The following RAB10 variants were observed in gnomAD, a reference collection of about 807,000 sequenced individuals.
RAB10 encodes ras-related protein Rab-10.
In RAB10, 5 loss-of-function variants were observed where a neutral mutation model predicts 25.7. That is an observed-to-expected ratio of 0.19 (90% CI 0.10 to 0.41). RAB10 has a LOEUF of 0.41. RAB10 is among the 10% of genes least tolerant of loss of function. The probability of loss-of-function intolerance (pLI) is 1.00; values close to 1 mark genes in which losing one functional copy is unlikely to be tolerated. For missense variants in RAB10, 103 were observed against 245.8 expected (o/e 0.42, Z 3.89); for synonymous variants, 89 against 86.4 (o/e 1.03, Z -0.16).
At chr2:26,123,829 T>C (rs1437097594) in intron 3 of RAB10, among the ~76,000 whole-genome samples, 1 of 152,178 alleles carries the variant, frequency 6.6e-6, no homozygotes, top group Non-Finnish European at 1.5e-5. Flanking sequence ...TATAGAAATA[T>C]TTTTAAAGAA....
At chr2:26,118,119 T>C (rs1667729794) in intron 3 of RAB10, among the ~76,000 whole-genome samples, 1 of 151,894 alleles carries the variant, frequency 6.6e-6, no homozygotes, top group Non-Finnish European at 1.5e-5. Context: ...ATTACAGGCG[T>C]GTGCCACCAC....
intron 3 of RAB10, among the ~76,000 whole-genome samples, chr2:26,116,611 C>T (rs1667695079): frequency 8.1e-6 from 1 of 123,870 alleles, no homozygotes; most frequent in Non-Finnish European, 1.6e-5. Flanking sequence ...GGCTGGAGTG[C>T]AGTGGCGCTG....
intron 1 of RAB10, among the ~76,000 whole-genome samples, chr2:26,089,999 A>G (rs959624440): frequency 6.6e-6 from 1 of 152,112 alleles, no homozygotes; most frequent in African/African-American, 2.4e-5. Flanking sequence ...TGTTTTTCAT[A>G]TAAATTCTAA....
rs1277323137 is a variant in RAB10, at chr2:26,135,151, A to G, written c.*130A>G. On this transcript the variant is annotated 3_prime_UTR_variant, in exon 6 of 6. Coordinates refer to ENST00000264710, the MANE Select transcript of RAB10 (RefSeq NM_016131.5). ...CTCATCTTAACTATCCAAGCCACCT[A>G]TTTTATTTGTTCTTTCATCTGTGAC... The G allele has an allele frequency of 2.1e-5, 13 of 617,734 alleles. No individual in the cohort carries two copies. Among genetic ancestry groups the G allele is most frequent in the Non-Finnish European group, 3.1e-5 (12 of 388,436 alleles). 38.3% of individuals were successfully genotyped at this position (617,734 alleles called of 1,614,324 possible).
intron 2 of RAB10, among the ~76,000 whole-genome samples, chr2:26,104,581 G>A (rs1020401444): frequency 4.6e-5 from 7 of 152,028 alleles, no homozygotes; most frequent in African/African-American, 1.2e-4. Flanking sequence ...TAATTTTCAC[G>A]TCCCATTTAC....
intron 3 of RAB10, among the ~76,000 whole-genome samples, chr2:26,121,383 A>C (rs570918269): frequency 2.0e-5 from 3 of 151,554 alleles, no homozygotes; most frequent in South Asian, 4.2e-4. Flanking sequence ...GGGGACTCGC[A>C]GTGTTGCCCA....
At chr2:26,097,187 G>T (rs1022274170) in intron 1 of RAB10, among the ~76,000 whole-genome samples, 5 of 152,136 alleles carry the variant, frequency 3.3e-5, no homozygotes, top group Non-Finnish European at 7.4e-5. Context: ...CTGCACTCTA[G>T]CCTGGGTGAC....
At position 26,034,665 on chromosome 2, in the gene RAB10, A is replaced by T; in HGVS notation, c.57A>T (p.Gly19=). 6.2e-7 allele frequency: 1 copy of T among 1,614,150 alleles called. No individual in the cohort carries two copies. The highest frequency in any genetic ancestry group is 8.5e-7 in the Non-Finnish European group (1 of 1,179,968). ...AGCTGCTCCTGATCGGGGATTCCGG[A>T]GTGGGGAAGACCTGCGTCCTTTTTC... is the stretch of plus-strand genomic sequence containing the variant. ...LFKLLLIGDS[G]VGKTCVLFRF... Residue 19 remains glycine (G), a synonymous_variant, in exon 1 of 6, where the codon GGA becomes GGT. Transcript: ENST00000264710.
At chr2:26,129,686 G>A (rs1034712611) in intron 5 of RAB10, among the ~76,000 whole-genome samples, 2 of 152,186 alleles carry the variant, frequency 1.3e-5, no homozygotes, top group African/African-American at 4.8e-5. Flanking sequence ...ACAGTCATCA[G>A]TTATTGCTCT....
At chr2:26,121,917 C>T (rs1315362107) in intron 3 of RAB10, among the ~76,000 whole-genome samples, 1 of 152,128 alleles carries the variant, frequency 6.6e-6, no homozygotes, top group African/African-American at 2.4e-5. Context: ...ATCATCTCCC[C>T]GTGAACAGTT....
chr2:26,036,713 G>A (rs922911549), intron 1 of RAB10, among the ~76,000 whole-genome samples: 1 of 151,978 alleles, frequency 6.6e-6, no homozygotes, highest in African/African-American at 2.4e-5. Context: ...GAGTCAGAGG[G>A]GTAGGATAGG....
In RAB10 at chr2:26,109,758, T is replaced by C; in HGVS notation, c.189-10T>C. 6.5e-7 allele frequency: 1 copy of C among 1,546,044 alleles called. No individual in the cohort carries two copies. The highest frequency in any genetic ancestry group is 8.7e-7 in the Non-Finnish European group (1 of 1,153,638). On this transcript the variant is annotated splice_polypyrimidine_tract_variant and intron_variant, in intron 2 of 5. Transcript: ENST00000264710. The stretch of plus-strand genomic sequence containing the variant: ...AATGCTTAATAGAAATTATTGGCTG[T>C]TTATTTCAGGGATACAGCAGGCCAG...
At chr2:26,130,300 C>T (rs1236735966) in intron 5 of RAB10, among the ~76,000 whole-genome samples, 1 of 151,606 alleles carries the variant, frequency 6.6e-6, no homozygotes, top group Non-Finnish European at 1.5e-5. Flanking sequence ...AAATGTGTTT[C>T]TTTCTTTCCT....
intron 1 of RAB10, among the ~76,000 whole-genome samples, chr2:26,047,044 C>T (rs1666027035): frequency 6.6e-6 from 1 of 152,132 alleles, no homozygotes; most frequent in Admixed American, 6.5e-5. Context: ...ATATTGACAT[C>T]TGGTGTAGTA....
At chr2:26,044,511 A>G (rs1665954210) in intron 1 of RAB10, among the ~76,000 whole-genome samples, 2 of 152,096 alleles carry the variant, frequency 1.3e-5, no homozygotes. Flanking sequence ...GAGGTGAAGT[A>G]ACTTCCAGAA....
At chr2:26,038,117 C>T (rs368222560) in intron 1 of RAB10, among the ~76,000 whole-genome samples, 1 of 151,748 alleles carries the variant, frequency 6.6e-6, no homozygotes, top group African/African-American at 2.4e-5. Context: ...AACTTCTGAC[C>T]TCAGGTGATC....
chr2:26,066,107 C>T (rs987266011), intron 1 of RAB10, among the ~76,000 whole-genome samples: 2 of 151,974 alleles, frequency 1.3e-5, no homozygotes, highest in Admixed American at 1.3e-4. Context: ...ATTTTGATTC[C>T]ATGAATTGGA....
intron 1 of RAB10, among the ~76,000 whole-genome samples, chr2:26,073,448 C>T (rs2149271137): frequency 6.6e-6 from 1 of 152,292 alleles, no homozygotes; most frequent in East Asian, 1.9e-4. Context: ...CATTGTGTTG[C>T]CTATGAGCTC....
chr2:26,114,737 C>CAAAAA (rs58252306), intron 3 of RAB10, among the ~76,000 whole-genome samples: 22 of 66,064 alleles, frequency 3.3e-4, no homozygotes, highest in African/African-American at 1.2e-3. Context: ...CAAAAATATA[C>CAAAAA]AAAAAAAAAA....
Sources: gnomAD v4.1 joint callset for allele counts (sites outside exome capture counted in the v4.1 genomes callset) on GRCh38, gnomAD v4.1.1 for gene constraint, MANE v1.5 for transcripts, NCBI Gene and HGNC (gene_info 2026-07-23, HGNC 2026-07-21) for gene names.